The following BABAM2 variants were observed in gnomAD, a reference collection of about 807,000 sequenced individuals.
BABAM2 encodes BRISC and BRCA1 A complex member 2, also known as BRISC and BRCA1-A complex member 2.
BABAM2 carries 31 observed loss-of-function variants against 54.7 expected under a neutral mutation model. That is an observed-to-expected ratio of 0.57 (90% CI 0.43 to 0.77). BABAM2 has a LOEUF of 0.77. Ranked by LOEUF, BABAM2 falls within the 30% of genes least tolerant of loss-of-function variation. The pLI is 0.00. For missense variants in BABAM2, 364 were observed against 455.8 expected (o/e 0.80, Z 1.83); for synonymous variants, 167 against 162.9 (o/e 1.03, Z -0.19).
intron 3 of BABAM2, among the ~76,000 whole-genome samples, chr2:27,951,226 C>T (rs192084833): frequency 1.3e-3 from 203 of 152,234 alleles, no homozygotes; most frequent in African/African-American, 4.5e-3. Context: ...AGTTTATTAA[C>T]ATGGTCATTG....
At chr2:28,197,514 A>G (rs375270490) in intron 7 of BABAM2, among the ~76,000 whole-genome samples, 2 of 152,198 alleles carry the variant, frequency 1.3e-5, no homozygotes, top group East Asian at 1.9e-4. Context: ...TTTCCTCTTT[A>G]CAATGATCTA....
At chr2:28,337,102 T>G (rs1691533857) in intron 11 of BABAM2, among the ~76,000 whole-genome samples, 1 of 152,118 alleles carries the variant, frequency 6.6e-6, no homozygotes, top group African/African-American at 2.4e-5. Context: ...CCTGCCTGGT[T>G]CTTGCCATTG....
intron 3 of BABAM2, among the ~76,000 whole-genome samples, chr2:27,985,452 T>G (rs1472248197): frequency 6.6e-6 from 1 of 152,192 alleles, no homozygotes; most frequent in African/African-American, 2.4e-5. Context: ...ATTGTGGTTT[T>G]GATTTGCATT....
intron 3 of BABAM2, among the ~76,000 whole-genome samples, chr2:27,945,813 G>A (rs79115686): frequency 4.9e-5 from 6 of 121,238 alleles, no homozygotes; most frequent in Admixed American, 1.6e-4. Flanking sequence ...TTTTTTTTTT[G>A]AACTTTGTTT....
In BABAM2 at chr2:28,115,841, A is replaced by G. The variant is rs1203210567; in HGVS notation, c.571-13430A>G. ...GAAAAATGAAATTGGGAGGCCGGGCATGGTGGCTCATGCCTGTAATCCCAG... is the reference window on the plus strand; with the variant it reads ...GAAAAATGAAATTGGGAGGCCGGGCGTGGTGGCTCATGCCTGTAATCCCAG... On this transcript the variant is annotated intron_variant, in intron 6 of 11. Coordinates refer to ENST00000379624, the MANE Select transcript of BABAM2 (RefSeq NM_199191.3). Among the ~76,000 whole-genome samples, 3 of 152,004 alleles carry G rather than the reference A, an allele frequency of 2.0e-5. No homozygotes were observed. The East Asian group carries it at 5.8e-4, about 30-fold the overall frequency.
intron 4 of BABAM2, among the ~76,000 whole-genome samples, chr2:28,009,010 G>A (rs1674186913): frequency 6.6e-6 from 1 of 152,162 alleles, no homozygotes; most frequent in African/African-American, 2.4e-5. Context: ...GAAAGCTCTA[G>A]TGGGTGGAGC....
chr2:28,163,437 AAG>A (rs989007664), intron 7 of BABAM2, among the ~76,000 whole-genome samples: 1 of 152,218 alleles, frequency 6.6e-6, no homozygotes, highest in Non-Finnish European at 1.5e-5. Flanking sequence ...AGGGGAGAAA[AAG>A]AACATTTTTC....
intron 11 of BABAM2, among the ~76,000 whole-genome samples, chr2:28,330,048 A>G (rs1690814253): frequency 6.6e-6 from 1 of 152,232 alleles, no homozygotes; most frequent in Admixed American, 6.5e-5. Flanking sequence ...CAGTAAATGT[A>G]ATTCATCACA....
intron 7 of BABAM2, among the ~76,000 whole-genome samples, chr2:28,143,646 A>G (rs2147752821): frequency 1.3e-5 from 2 of 152,300 alleles, no homozygotes; most frequent in South Asian, 4.2e-4. Flanking sequence ...GAAAAAACCT[A>G]AACATCAAAA....
At chr2:28,074,252 A>G (rs1664447159) in intron 6 of BABAM2, among the ~76,000 whole-genome samples, 2 of 152,284 alleles carry the variant, frequency 1.3e-5, no homozygotes, top group East Asian at 1.9e-4. Flanking sequence ...CCTCAGCACT[A>G]TTGACATTTT....
intron 6 of BABAM2, among the ~76,000 whole-genome samples, chr2:28,097,340 G>T (rs1666716064): frequency 6.6e-6 from 1 of 152,170 alleles, no homozygotes; most frequent in South Asian, 2.1e-4. Flanking sequence ...GGGCATGTGG[G>T]ACTAGGAAGC....
rs1302890574 is a variant in BABAM2, at chr2:28,329,090, A to G, written c.1089-9360A>G. ...CCCAAGGCCTCTGAGCATTTCCCTGATAGCTCCCTGTCTTAACTTTCTTCA... is the reference window on the plus strand; with the variant it reads ...CCCAAGGCCTCTGAGCATTTCCCTGGTAGCTCCCTGTCTTAACTTTCTTCA... On this transcript the variant is annotated intron_variant, in intron 11 of 11. Coordinates refer to ENST00000379624, the MANE Select transcript of BABAM2 (RefSeq NM_199191.3). This position sits in a 1 kb window ranked among gnomAD's most constrained non-coding sequence, Gnocchi z 4.2. Among the ~76,000 whole-genome samples the G allele has an allele frequency of 6.6e-6, 1 of 152,142 alleles. No homozygotes were observed. Among genetic ancestry groups the G allele is most frequent in the East Asian group, 1.9e-4 (1 of 5,194 alleles).
chr2:28,048,445 T>C (rs1489393917), intron 6 of BABAM2, among the ~76,000 whole-genome samples: 4 of 152,218 alleles, frequency 2.6e-5, no homozygotes, highest in Non-Finnish European at 5.9e-5. Flanking sequence ...AATTTCACTT[T>C]TGGTTGAGGT....
At chr2:28,257,769 C>T (rs1684093645) in intron 10 of BABAM2, among the ~76,000 whole-genome samples, 1 of 152,148 alleles carries the variant, frequency 6.6e-6, no homozygotes, top group African/African-American at 2.4e-5. Flanking sequence ...CCTGTAGTCT[C>T]AGCTACTCAG....
At chr2:28,040,503 T>C (rs1677011937) in intron 5 of BABAM2, among the ~76,000 whole-genome samples, 1 of 151,330 alleles carries the variant, frequency 6.6e-6, no homozygotes, top group African/African-American at 2.4e-5. Context: ...GGTTTCACCG[T>C]TTTAGCCGGG....
At chr2:28,328,702 C>T (rs759824224) in intron 11 of BABAM2, among the ~76,000 whole-genome samples, 1 of 152,168 alleles carries the variant, frequency 6.6e-6, no homozygotes, top group Non-Finnish European at 1.5e-5. Context: ...GCTCTAGTGG[C>T]ACTGGGGTTG....
At chr2:27,972,641 T>A (rs1357125380) in intron 3 of BABAM2, among the ~76,000 whole-genome samples, 5 of 152,160 alleles carry the variant, frequency 3.3e-5, no homozygotes, top group Admixed American at 3.3e-4. Context: ...AAAGTTTATA[T>A]TTAAAAATAT....
chr2:27,979,060 C>T (rs1334203518), intron 3 of BABAM2, among the ~76,000 whole-genome samples: 3 of 139,696 alleles, frequency 2.1e-5, no homozygotes, highest in African/African-American at 5.4e-5. Context: ...TGGAGTCTTA[C>T]TCTGTTGCCC....
intron 2 of BABAM2, among the ~76,000 whole-genome samples, chr2:27,904,437 A>G (rs1234946273): frequency 1.3e-5 from 2 of 152,222 alleles, no homozygotes; most frequent in Admixed American, 1.3e-4. Flanking sequence ...CCTCCAGATA[A>G]TCAATCTGGC....
Sources: gnomAD v4.1 joint callset for allele counts (sites outside exome capture counted in the v4.1 genomes callset) on GRCh38, gnomAD v4.1.1 for gene constraint, Gnocchi (gnomAD v3.1) non-coding constraint, MANE v1.5 for transcripts, NCBI Gene and HGNC (gene_info 2026-07-23, HGNC 2026-07-21) for gene names.